RAB27B: variants seen among roughly 807,000 people sequenced by gnomAD.
RAB27B encodes the protein RAB27B, member RAS oncogene family.
In RAB27B, 15 loss-of-function variants were observed where a neutral mutation model predicts 24.6. That is an observed-to-expected ratio of 0.61 (90% confidence interval 0.41 to 0.94). RAB27B has a LOEUF of 0.94. Among genes scored for constraint, RAB27B ranks in the 40% least tolerant of loss-of-function variants. RAB27B has a pLI of 0.00. For missense variants in RAB27B, 261 were observed against 266.8 expected (o/e 0.98, Z 0.15); for synonymous variants, 105 against 92.5 (o/e 1.14, Z -0.78).
Position 54,879,395 on chromosome 18 carries a change from A to G in RAB27B, c.180A>G (p.Gly60=), listed in dbSNP as rs530701309. ...TTTATAATGCACAAGGACCGAATGG[A>G]TCTTCAGGGAAAGCATTTAAAGTGC... ...RVVYNAQGPN[G]SSGKAFKVHL... The change falls in exon 3 of 6, where the codon GGA becomes GGG. Residue 60 remains glycine, a synonymous_variant. Coordinates refer to ENST00000262094, the MANE Select transcript of RAB27B (RefSeq NM_004163.4). 7 of 1,612,746 alleles carry G rather than the reference A, an allele frequency of 4.3e-6. No homozygotes were observed. Among genetic ancestry groups the G allele is most frequent in the Non-Finnish European group, 5.9e-6 (7 of 1,178,952 alleles).
chr18:54,778,597 G>A (rs943934667), intron 2 of RAB27B, among the ~76,000 whole-genome samples: 11 of 152,126 alleles, frequency 7.2e-5, no homozygotes, highest in African/African-American at 2.7e-4. Context: ...CTGTCCTCCT[G>A]GAGTATAGCA....
chr18:54,810,782 G>A (rs554138158), intron 2 of RAB27B, among the ~76,000 whole-genome samples: 139 of 151,680 alleles, frequency 9.2e-4, no homozygotes, highest in Non-Finnish European at 1.4e-3. Context: ...GCAGTGAGCC[G>A]AGATTGTGCC....
intron 1 of RAB27B, among the ~76,000 whole-genome samples, chr18:54,861,417 T>G (rs1453578353): frequency 1.3e-5 from 2 of 152,226 alleles, no homozygotes; most frequent in Non-Finnish European, 2.9e-5. Flanking sequence ...TCTGCTTCAC[T>G]GAGGGTGGCA....
intron 2 of RAB27B, among the ~76,000 whole-genome samples, chr18:54,821,540 G>A (rs1387674839): frequency 6.6e-6 from 1 of 151,964 alleles, no homozygotes; most frequent in Non-Finnish European, 1.5e-5. Context: ...TTTCTTCACA[G>A]AACTGGAAAA....
intron 2 of RAB27B, among the ~76,000 whole-genome samples, chr18:54,767,736 A>G (rs778938969): frequency 1.2e-4 from 19 of 152,180 alleles, no homozygotes; most frequent in Non-Finnish European, 2.5e-4. Flanking sequence ...TGTTTCCCAC[A>G]ATTCACACAA....
intron 1 of RAB27B, among the ~76,000 whole-genome samples, chr18:54,859,438 C>T (rs1268247300): frequency 1.3e-5 from 2 of 151,540 alleles, no homozygotes; most frequent in Non-Finnish European, 2.9e-5. Flanking sequence ...TCAAACCATC[C>T]ACTTTCAAAT....
chr18:54,877,814 T>G, intron 2 of RAB27B, 76 bp downstream of exon 2: 3 of 1,408,288 alleles, frequency 2.1e-6, no homozygotes, highest in Non-Finnish European at 2.9e-6. Flanking sequence ...CTATGTTTAT[T>G]GCATTGGAGT....
At chr18:54,885,236 TG>T (rs1173981041) in intron 4 of RAB27B, among the ~76,000 whole-genome samples, 3 of 152,182 alleles carry the variant, frequency 2.0e-5, no homozygotes, top group Non-Finnish European at 4.4e-5. Flanking sequence ...AGTCGTCCTA[TG>T]GGGCTGCTCT....
intron 2 of RAB27B, among the ~76,000 whole-genome samples, chr18:54,780,955 A>T (rs1908897284): frequency 6.6e-6 from 1 of 152,214 alleles, no homozygotes; most frequent in African/African-American, 2.4e-5. Flanking sequence ...ATTCACACCC[A>T]TGGTTATACC....
At chr18:54,728,648 A>T (rs964058173) in intron 2 of RAB27B, among the ~76,000 whole-genome samples, 1 of 151,964 alleles carries the variant, frequency 6.6e-6, no homozygotes, top group Non-Finnish European at 1.5e-5. Flanking sequence ...GCAGAGGCAG[A>T]CTGAGCACTT....
intron 2 of RAB27B, among the ~76,000 whole-genome samples, chr18:54,766,967 A>C (rs1014801936): frequency 6.6e-6 from 1 of 152,128 alleles, no homozygotes; most frequent in African/African-American, 2.4e-5. Flanking sequence ...AATTGTGCCA[A>C]ATGACAAGAA....
chr18:54,730,222 C>G (rs1262418022), intron 2 of RAB27B, among the ~76,000 whole-genome samples: 1 of 152,074 alleles, frequency 6.6e-6, no homozygotes, highest in African/African-American at 2.4e-5. Context: ...TTAGGAAGTG[C>G]TCTTGTGTTT....
intron 1 of RAB27B, among the ~76,000 whole-genome samples, chr18:54,855,687 A>G (rs1323904930): frequency 6.6e-6 from 1 of 152,200 alleles, no homozygotes; most frequent in Non-Finnish European, 1.5e-5. Context: ...ACTGTCTTAA[A>G]TGCAGCTATT....
intron 2 of RAB27B, among the ~76,000 whole-genome samples, chr18:54,773,186 A>G (rs754323963): frequency 6.6e-6 from 1 of 152,234 alleles, no homozygotes; most frequent in Non-Finnish European, 1.5e-5. Context: ...ACTAAAGGAA[A>G]TAAATGTTTT....
intron 1 of RAB27B, among the ~76,000 whole-genome samples, chr18:54,829,095 A>C (rs766247043): frequency 6.6e-6 from 1 of 152,240 alleles, no homozygotes; most frequent in Non-Finnish European, 1.5e-5. Context: ...TTCCAGGAGG[A>C]GCGACTTAGT....
At chr18:54,866,072 A>G (rs909903481) in intron 1 of RAB27B, among the ~76,000 whole-genome samples, 2 of 151,758 alleles carry the variant, frequency 1.3e-5, no homozygotes, top group East Asian at 3.8e-4. Flanking sequence ...GGAAAGTTTT[A>G]TCAGTGAGAG....
intron 2 of RAB27B, among the ~76,000 whole-genome samples, chr18:54,726,025 A>G (rs1190556369): frequency 3.3e-5 from 5 of 151,636 alleles, no homozygotes; most frequent in Admixed American, 2.0e-4. Context: ...AGACCTGCAG[A>G]TGTCCTGAAA....
At chr18:54,808,710 A>G (rs1242970850) in intron 2 of RAB27B, among the ~76,000 whole-genome samples, 1 of 152,250 alleles carries the variant, frequency 6.6e-6, no homozygotes, top group Non-Finnish European at 1.5e-5. Context: ...TCATGTGTAC[A>G]CACACATACA....
chr18:54,830,596 G>A (rs1910636608), intron 1 of RAB27B, among the ~76,000 whole-genome samples: 1 of 151,944 alleles, frequency 6.6e-6, no homozygotes, highest in African/African-American at 2.4e-5. Context: ...AAAGATGGCT[G>A]CCAAATGGGA....
Sources: gnomAD v4.1 joint callset for allele counts (sites outside exome capture counted in the v4.1 genomes callset) on GRCh38, gnomAD v4.1.1 for gene constraint, MANE v1.5 for transcripts, NCBI Gene and HGNC (gene_info 2026-07-23, HGNC 2026-07-21) for gene names.